ABR: variants seen among roughly 807,000 people sequenced by gnomAD.
ABR encodes active breakpoint cluster region-related protein.
Under a neutral mutation model 107.2 loss-of-function variants are expected in ABR, and 35 were observed. That is an observed-to-expected ratio of 0.33 (90% CI 0.25 to 0.43). The LOEUF (loss-of-function observed/expected upper bound fraction) is 0.43, where lower values mean the gene tolerates loss of function less well. Among genes scored for constraint, ABR ranks in the 20% least tolerant of loss-of-function variants. The pLI is 1.00. For missense variants in ABR, 815 were observed against 1,115.2 expected (o/e 0.73, Z 3.83); for synonymous variants, 498 against 462.0 (o/e 1.08, Z -1.00).
intron 3 of ABR, 73 bp downstream of exon 3, chr17:1,100,564 G>C (rs2037794585): frequency 7.0e-7 from 1 of 1,419,822 alleles, no homozygotes; most frequent in Admixed American, 1.7e-5. Context: ...AACTCCAAAA[G>C]CAGCTTCAGA....
intron 1 of ABR, among the ~76,000 whole-genome samples, chr17:1,201,821 C>T (rs774919264): frequency 6.6e-6 from 1 of 152,054 alleles, no homozygotes; most frequent in East Asian, 1.9e-4. Context: ...GGACAACAGG[C>T]GCCCACCACC....
At chr17:1,038,571 G>A (rs761059184) in intron 16 of ABR, among the ~76,000 whole-genome samples, 7 of 152,270 alleles carry the variant, frequency 4.6e-5, no homozygotes, top group East Asian at 1.9e-4. Flanking sequence ...GCGTGAACAC[G>A]GTGTGCCCAT....
chr17:1,143,498 G>C (rs112141053), intron 1 of ABR, among the ~76,000 whole-genome samples: 1 of 91,838 alleles, frequency 1.1e-5, no homozygotes. Flanking sequence ...CTCCTGGGGG[G>C]CAGCTCGCTC....
At chr17:1,207,961 G>C (rs988376356) in intron 1 of ABR, among the ~76,000 whole-genome samples, 30 of 151,890 alleles carry the variant, frequency 2.0e-4, no homozygotes, top group African/African-American at 7.3e-4. Flanking sequence ...AGTAGAGATG[G>C]GGTTTCACCA....
chr17:1,186,358 T>C (rs1333692779), intron 1 of ABR, among the ~76,000 whole-genome samples: 1 of 152,222 alleles, frequency 6.6e-6, no homozygotes, highest in Non-Finnish European at 1.5e-5. Flanking sequence ...AGTTAGTCAT[T>C]TCTGCACCAA....
intron 16 of ABR, among the ~76,000 whole-genome samples, chr17:1,030,680 A>C (rs2072655833): frequency 6.6e-6 from 1 of 152,220 alleles, no homozygotes; most frequent in African/African-American, 2.4e-5. Context: ...TGATGCCAGG[A>C]GCCTCAATGC....
At chr17:1,043,705 C>T (rs1265622966) in intron 16 of ABR, among the ~76,000 whole-genome samples, 6 of 152,148 alleles carry the variant, frequency 3.9e-5, no homozygotes, top group Non-Finnish European at 5.9e-5. Flanking sequence ...AAAGGCCGGA[C>T]GCGGTGGCTC....
intron 1 of ABR, among the ~76,000 whole-genome samples, chr17:1,208,873 G>T (rs2042849302): frequency 6.8e-6 from 1 of 146,520 alleles, no homozygotes; most frequent in African/African-American, 2.6e-5. Flanking sequence ...GGGTGAGAGT[G>T]TGAGACTCCG....
chr17:1,035,087 T>G (rs2073066859), intron 16 of ABR, among the ~76,000 whole-genome samples: 1 of 151,868 alleles, frequency 6.6e-6, no homozygotes, highest in African/African-American at 2.4e-5. Context: ...GACTGGGGGC[T>G]TCCTCTGGGG....
intron 16 of ABR, among the ~76,000 whole-genome samples, chr17:1,024,973 T>C (rs2072062004): frequency 6.7e-6 from 1 of 150,240 alleles, no homozygotes; most frequent in Non-Finnish European, 1.5e-5. Context: ...TACAAAAAAT[T>C]AGCTGGGCGA....
Position 1,050,313 on chromosome 17 carries a change from G to A in ABR, c.1660-132C>T. 1 of 1,235,290 alleles carries A rather than the reference G, an allele frequency of 8.1e-7. No individual in the cohort carries two copies. Among genetic ancestry groups the A allele is most frequent in the South Asian group, 1.5e-5 (1 of 67,780 alleles). 76.5% of individuals were successfully genotyped at this position (1,235,290 alleles called of 1,614,324 possible). ...CACGAAGGACACGTCAGATTTTCTG[G>A]AGCTCCCAGAGGCCTCCCATCACCC... On this transcript the variant is annotated intron_variant, in intron 15 of 22. Transcript: ENST00000302538. The surrounding 1 kb of genome is among the most constrained non-coding windows in gnomAD (Gnocchi z 4.6).
At chr17:1,026,036 C>T (rs893614805) in intron 16 of ABR, among the ~76,000 whole-genome samples, 3 of 152,182 alleles carry the variant, frequency 2.0e-5, no homozygotes, top group African/African-American at 7.2e-5. Context: ...TGGCATTGGC[C>T]CAGGTGCAGC....
chr17:1,140,161 G>A (rs1172311102), intron 1 of ABR, among the ~76,000 whole-genome samples: 1 of 152,228 alleles, frequency 6.6e-6, no homozygotes, highest in Non-Finnish European at 1.5e-5. Flanking sequence ...TGTCAAAGGT[G>A]ACCATGGTGG....
intron 10 of ABR, 24 bp from the exon 11 acceptor site, chr17:1,058,891 G>T: frequency 6.2e-7 from 1 of 1,613,418 alleles, no homozygotes; most frequent in Non-Finnish European, 8.5e-7. Context: ...GGACACAGAG[G>T]GTTCCCCTCA....
intron 1 of ABR, among the ~76,000 whole-genome samples, chr17:1,216,394 G>A (rs78636282): frequency 0.023 from 3,512 of 152,250 alleles, 63 homozygotes; most frequent in South Asian, 0.057. Flanking sequence ...ACCCAGCTCC[G>A]AGTCTTCCTC....
intron 2 of ABR, among the ~76,000 whole-genome samples, chr17:1,124,304 G>A (rs1268801125): frequency 6.6e-6 from 1 of 152,176 alleles, no homozygotes; most frequent in Non-Finnish European, 1.5e-5. Flanking sequence ...CTCCTCTGGG[G>A]ACGTCAGAAG....
chr17:1,202,720 T>A (rs1188784094), intron 1 of ABR, among the ~76,000 whole-genome samples: 1 of 152,074 alleles, frequency 6.6e-6, no homozygotes, highest in African/African-American at 2.4e-5. Flanking sequence ...GAAATAGGCC[T>A]AGGTTTAGGG....
At chr17:1,105,594 C>T (rs2038195010) in intron 2 of ABR, among the ~76,000 whole-genome samples, 1 of 152,086 alleles carries the variant, frequency 6.6e-6, no homozygotes, top group Admixed American at 6.6e-5. Flanking sequence ...CAGAATTGGG[C>T]TGGGCTCAGT....
In ABR at chr17:1,050,240, G is replaced by A. The variant is rs972861566; in HGVS notation, c.1660-59C>T. On this transcript the variant is annotated intron_variant, in intron 15 of 22. Transcript: ENST00000302538. This position sits in a 1 kb window ranked among gnomAD's most constrained non-coding sequence, Gnocchi z 4.6. The stretch of plus-strand genomic sequence containing the variant: ...CCGAAGCTGGGAGGCCTGGCTTTCC[G>A]GCAGGTGCGTGCCTCAGCTTTGCAA... The A allele has an allele frequency of 2.6e-5, 41 of 1,571,458 alleles. No individual in the cohort carries two copies. Among genetic ancestry groups the A allele is most frequent in the Admixed American group, 2.0e-4 (11 of 55,098 alleles).
Sources: gnomAD v4.1 joint callset for allele counts (sites outside exome capture counted in the v4.1 genomes callset) on GRCh38, gnomAD v4.1.1 for gene constraint, Gnocchi (gnomAD v3.1) non-coding constraint, MANE v1.5 for transcripts, NCBI Gene and HGNC (gene_info 2026-07-23, HGNC 2026-07-21) for gene names.